The following TUBA8 variants were observed in gnomAD, a reference collection of about 807,000 sequenced individuals.
The protein encoded by TUBA8 is tubulin alpha 8.
Under a neutral mutation model 34.7 loss-of-function variants are expected in TUBA8, and 29 were observed. That is an observed-to-expected ratio of 0.84 (90% CI 0.62 to 1.14). The LOEUF (loss-of-function observed/expected upper bound fraction) is 1.14, where lower values mean the gene tolerates loss of function less well. Ranked by LOEUF, TUBA8 falls within the 50% of genes most tolerant of loss-of-function variation. The pLI, the probability that TUBA8 is intolerant of heterozygous loss-of-function variation, is 0.00. For missense variants in TUBA8, 541 were observed against 599.2 expected, an observed-to-expected ratio of 0.90 and a Z score of 1.01; for synonymous variants, 226 against 231.2, an observed-to-expected ratio of 0.98 and a Z score of 0.21.
chr22:18,130,763 A>T, intron 4 of TUBA8, 80 bp from the exon 5 acceptor site: 1 of 1,591,934 alleles, frequency 6.3e-7, no homozygotes, highest in Non-Finnish European at 8.6e-7. Context: ...ATGCCAAGTG[A>T]CCAAGATGTC....
intron 1 of TUBA8, chr22:18,115,704 C>T (rs1927948777): frequency 6.6e-6 from 1 of 152,126 alleles, no homozygotes; most frequent in Non-Finnish European, 1.5e-5. Flanking sequence ...TAACTGGATA[C>T]CTGAAGGATG....
rs778406865 is a variant in TUBA8, at chr22:18,126,425, C to A, written c.447C>A (p.Phe149Leu). ...HSFGGGTGSGFTSLLMERLSL... is the reference protein window; with the variant it reads ...HSFGGGTGSGLTSLLMERLSL... ...TTGGTGGGGGCACTGGCTCCGGCTT[C>A]ACTTCTCTGCTGATGGAACGCCTCT... The change falls in exon 4 of 5, where the codon TTC (phenylalanine) becomes TTA (leucine). Residue 149 changes from phenylalanine to leucine, a missense_variant. Phe to Leu is a conservative substitution (Grantham distance 22). Transcript: ENST00000330423. The surrounding 1 kb of genome is among the most constrained non-coding windows in gnomAD (Gnocchi z 4.0). The A allele has an allele frequency of 2.5e-6, 4 of 1,613,992 alleles. No individual in the cohort carries two copies. The South Asian group carries it at 3.3e-5, about 13-fold the overall frequency.
rs537135985 is a variant in TUBA8, at chr22:18,115,087, G to A, written c.3+4219G>A. 2.0e-5 allele frequency: 3 copies of A among 152,350 alleles called. No individual in the cohort carries two copies. The East Asian group carries it at 5.8e-4, about 29-fold the overall frequency. 9.4% of individuals were successfully genotyped at this position (152,350 alleles called of 1,614,324 possible). A position where few individuals can be genotyped will look rare whatever the true frequency, so the allele number is the denominator to read the frequency against. Reference sequence around the variant, plus strand: ...CTGGGCTCATGCCTCCCAGCGAGGGGCCTTGGCTCACAGGGCAGTGGCTCC... The same window carrying A: ...CTGGGCTCATGCCTCCCAGCGAGGGACCTTGGCTCACAGGGCAGTGGCTCC... On this transcript the variant is annotated intron_variant, in intron 1 of 4. Coordinates refer to ENST00000330423, the MANE Select transcript of TUBA8 (RefSeq NM_018943.3).
rs1927793325 is a variant in TUBA8 at position 18,111,159 on chromosome 22, G to A, written c.3+291G>A. 9 of 562,426 alleles carry A rather than the reference G, an allele frequency of 1.6e-5. No individual in the cohort carries two copies. The South Asian group carries it at 2.0e-4, about 13-fold the overall frequency. The allele number at this position is 562,426 out of a possible 1,614,324, so 34.8% of individuals were successfully genotyped here. A position where few individuals can be genotyped will look rare whatever the true frequency, so the allele number is the denominator to read the frequency against. On this transcript the variant is annotated intron_variant, in intron 1 of 4. Coordinates refer to ENST00000330423, the MANE Select transcript of TUBA8 (RefSeq NM_018943.3). The surrounding 1 kb of genome is among the most constrained non-coding windows in gnomAD (Gnocchi z 5.1). ...CCCTGGGGAGCCCGACGGAGAAGGG[G>A]GCGAGATTCTGGGGTCCCCAGATGG...
At chr22:18,125,336 A>G (rs1928279034) in intron 3 of TUBA8, 1 of 152,012 alleles carries the variant, frequency 6.6e-6, no homozygotes, top group Non-Finnish European at 1.5e-5. Context: ...CAACATGTTA[A>G]AACCCCATCT....
chr22:18,123,737 G>C (rs1175932140), intron 2 of TUBA8: 1 of 247,880 alleles, frequency 4.0e-6, no homozygotes, highest in African/African-American at 2.2e-5. Context: ...GCCACACCTG[G>C]CTAACTTTTT....
chr22:18,126,124 A>G lies in TUBA8; in HGVS notation c.376-230A>G. The G allele has an allele frequency of 1.8e-6, 1 of 561,918 alleles. No homozygotes were observed. The highest frequency in any genetic ancestry group is 2.1e-5 in the South Asian group (1 of 48,386). The allele number at this position is 561,918 out of a possible 1,614,324, so 34.8% of individuals were successfully genotyped here. On this transcript the variant is annotated intron_variant, in intron 3 of 4. Transcript: ENST00000330423. This position sits in a 1 kb window ranked among gnomAD's most constrained non-coding sequence, Gnocchi z 4.0. ...TGGATCCTCCTGCCTCAGCTTCCCAAACTGCTGGGATTACAGGCATTGAGT... is the reference window on the plus strand; with the variant it reads ...TGGATCCTCCTGCCTCAGCTTCCCAGACTGCTGGGATTACAGGCATTGAGT...
chr22:18,124,046 C>A lies in TUBA8; in HGVS notation c.227-110C>A. The A allele has an allele frequency of 7.2e-7, 1 of 1,394,696 alleles. No homozygotes were observed. The highest frequency in any genetic ancestry group is 2.3e-5 in the East Asian group (1 of 43,332). 86.4% of individuals were successfully genotyped at this position (1,394,696 alleles called of 1,614,324 possible). ...TACGAGGTGGTCTGGCTTCAAACCTCCATGGAGTTTTATAGGTAGGGGAGA... is the reference window on the plus strand; with the variant it reads ...TACGAGGTGGTCTGGCTTCAAACCTACATGGAGTTTTATAGGTAGGGGAGA... On this transcript the variant is annotated intron_variant, in intron 2 of 4. Coordinates refer to ENST00000330423, the MANE Select transcript of TUBA8 (RefSeq NM_018943.3). This position sits in a 1 kb window ranked among gnomAD's most constrained non-coding sequence, Gnocchi z 4.3.
rs1928259805 is a variant in TUBA8, at chr22:18,124,605, A to G, written c.375+301A>G. The G allele has an allele frequency of 6.6e-6, 2 of 305,112 alleles. No homozygotes were observed. Among genetic ancestry groups the G allele is most frequent in the East Asian group, 1.1e-4 (2 of 17,978 alleles). 18.9% of individuals were successfully genotyped at this position (305,112 alleles called of 1,614,324 possible). On this transcript the variant is annotated intron_variant, in intron 3 of 4. Transcript: ENST00000330423. This position sits in a 1 kb window ranked among gnomAD's most constrained non-coding sequence, Gnocchi z 4.3. ...CAGGATGAGGTCTCTGCTGGTCGGA[A>G]ACACAGGTTAACAAAGCATTTAACT...
At position 18,131,308 on chromosome 22, in the gene TUBA8, C is replaced by A; in HGVS notation, c.*172C>A. On this transcript the variant is annotated 3_prime_UTR_variant, in exon 5 of 5. Transcript: ENST00000330423. This position sits in a 1 kb window ranked among gnomAD's most constrained non-coding sequence, Gnocchi z 5.3. The stretch of plus-strand genomic sequence containing the variant: ...ACGACTGGGCTAAGTGGACACTGAG[C>A]TTCATCAGGCCCTCCCTGGGTAGGA... 1 of 655,316 alleles carries A rather than the reference C, an allele frequency of 1.5e-6. No homozygotes were observed. The highest frequency in any genetic ancestry group is 2.7e-6 in the Non-Finnish European group (1 of 377,354). The allele number at this position is 655,316 out of a possible 1,614,324, so 40.6% of individuals were successfully genotyped here. A position where few individuals can be genotyped will look rare whatever the true frequency, so the allele number is the denominator to read the frequency against.
rs138526435 is a variant in TUBA8, at chr22:18,115,547, G to A, written c.3+4679G>A. 9.6e-3 allele frequency: 1,462 copies of A among 152,340 alleles called. 13 individuals carry two copies. The highest frequency in any genetic ancestry group is 0.031 in the South Asian group (149 of 4,818). 9.4% of individuals were successfully genotyped at this position (152,340 alleles called of 1,614,324 possible). On this transcript the variant is annotated intron_variant, in intron 1 of 4. Transcript: ENST00000330423. ...GGTTCCTTGCCCTCACAGAGCTTACGTTCTCTACTAGAAAGGTGCGAAAAT... is the reference window on the plus strand; with the variant it reads ...GGTTCCTTGCCCTCACAGAGCTTACATTCTCTACTAGAAAGGTGCGAAAAT...
chr22:18,121,142 CAG>C lies in TUBA8; in HGVS notation c.4-336_4-335del, dbSNP rs1928132370. 9.0e-6 allele frequency: 3 copies of C among 334,384 alleles called. No individual in the cohort carries two copies. The South Asian group carries it at 9.0e-5, about 10-fold the overall frequency. 20.7% of individuals were successfully genotyped at this position (334,384 alleles called of 1,614,324 possible). ...GAAGGAGAGTTTCTGCCATGATCGC[CAG>C]TTCTTCCTTGGGCCTTCTTCACCAG... On this transcript the variant is annotated intron_variant, in intron 1 of 4. Transcript: ENST00000330423. This position sits in a 1 kb window ranked among gnomAD's most constrained non-coding sequence, Gnocchi z 4.8.
intron 4 of TUBA8, chr22:18,130,604 TTTGGTAGAGATGGG>T: frequency 1.7e-6 from 1 of 572,438 alleles, no homozygotes; most frequent in Non-Finnish European, 3.1e-6. Context: ...TTTTTTTTTT[TTTGGTAGAGATGGG>T]TTTTTGCTCT....
At chr22:18,113,963 AG>A (rs1432249366) in intron 1 of TUBA8, 1 of 151,872 alleles carries the variant, frequency 6.6e-6, no homozygotes, top group Admixed American at 6.6e-5. Flanking sequence ...TGACCTTCAA[AG>A]GGAGATGAAA....
chr22:18,115,096 C>T (rs978880843), intron 1 of TUBA8: 3 of 152,276 alleles, frequency 2.0e-5, no homozygotes, highest in African/African-American at 7.2e-5. Context: ...GGCCTTGGCT[C>T]ACAGGGCAGT....
In TUBA8 at chr22:18,127,981, G is replaced by C. The variant is rs1167472382; in HGVS notation, c.1056+947G>C. On this transcript the variant is annotated intron_variant, in intron 4 of 4. Coordinates refer to ENST00000330423, the MANE Select transcript of TUBA8 (RefSeq NM_018943.3). ...ATTACAGGCAGGAGCCACCGCGCCT[G>C]GCCTCCAACCTAAAGTTAGTTTTAA... The C allele has an allele frequency of 2.0e-5, 3 of 152,098 alleles. No individual in the cohort carries two copies. The East Asian group carries it at 5.8e-4, about 29-fold the overall frequency. 9.4% of individuals were successfully genotyped at this position (152,098 alleles called of 1,614,324 possible).
rs151102020 is a variant in TUBA8, at chr22:18,126,945, G to A, written c.967G>A (p.Val323Met). ...MACCMLYRGD[V>M]VPKDVNVAIA... Reference sequence around the variant, plus strand: ...CTGCTGCATGCTCTACCGGGGCGACGTGGTGCCCAAGGATGTGAATGTCGC... The same window carrying A: ...CTGCTGCATGCTCTACCGGGGCGACATGGTGCCCAAGGATGTGAATGTCGC... The change falls in exon 4 of 5, where the codon GTG (valine) becomes ATG (methionine). Residue 323 changes from valine to methionine, a missense_variant. By Grantham distance (21) the Val-to-Met change is conservative. Transcript: ENST00000330423. This position sits in a 1 kb window ranked among gnomAD's most constrained non-coding sequence, Gnocchi z 4.0. 519 of 1,613,272 alleles carry A rather than the reference G, an allele frequency of 3.2e-4. 1 individual carries two copies. The highest frequency in any genetic ancestry group is 1.3e-3 in the Middle Eastern group (8 of 6,060).
intron 4 of TUBA8, chr22:18,129,786 AG>A (rs1201707616): frequency 2.0e-5 from 3 of 152,222 alleles, no homozygotes; most frequent in African/African-American, 7.2e-5. Flanking sequence ...TGGTGGTCTC[AG>A]TGGGAGAGGT....
chr22:18,126,595 A>G lies in TUBA8; in HGVS notation c.617A>G (p.Asn206Ser), dbSNP rs1432101038. The G allele has an allele frequency of 1.2e-6, 2 of 1,614,040 alleles. No individual in the cohort carries two copies. The highest frequency in any genetic ancestry group is 1.7e-6 in the Non-Finnish European group (2 of 1,180,028). The change falls in exon 4 of 5, where the codon AAC (asparagine) becomes AGC (serine). Residue 206 changes from asparagine to serine, a missense_variant. Physicochemically the swap from Asn to Ser is conservative, Grantham distance 46. Transcript: ENST00000330423. This position sits in a 1 kb window ranked among gnomAD's most constrained non-coding sequence, Gnocchi z 4.0. ...EHSDCAFMVD[N>S]EAIYDICRRN... ...TCAGATTGTGCTTTCATGGTGGACA[A>G]CGAAGCCATCTATGACATCTGCCGC...
Sources: allele counts gnomAD v4.1 joint callset, GRCh38; gene constraint gnomAD v4.1.1; non-coding constraint Gnocchi (gnomAD v3.1); transcripts MANE v1.5; gene names NCBI Gene and HGNC (gene_info 2026-07-23, HGNC 2026-07-21).